LRP1B: variants seen among roughly 807,000 people sequenced by gnomAD.
The protein encoded by LRP1B is LDL receptor related protein 1B, also known as low-density lipoprotein receptor-related protein 1B.
In LRP1B, 217 loss-of-function variants were observed where a neutral mutation model predicts 556.6. That is an observed-to-expected ratio of 0.39 (90% CI 0.35 to 0.44). The LOEUF is 0.44. LRP1B is among the 20% of genes least tolerant of loss of function. LRP1B has a pLI of 1.00. For missense variants in LRP1B, 5,053 were observed against 5,620.8 expected (o/e 0.90, Z 3.23); for synonymous variants, 2,047 against 1,865.8 (o/e 1.10, Z -2.50).
intron 32 of LRP1B, among the ~76,000 whole-genome samples, chr2:140,805,317 A>T (rs1323389921): frequency 6.6e-6 from 1 of 152,208 alleles, no homozygotes; most frequent in African/African-American, 2.4e-5. Flanking sequence ...ATATCTATGG[A>T]AATTGTGTAA....
intron 2 of LRP1B, among the ~76,000 whole-genome samples, chr2:141,626,949 G>A (rs75316813): frequency 6.6e-6 from 1 of 152,076 alleles, no homozygotes; most frequent in Non-Finnish European, 1.5e-5. Context: ...CTCCTTGAAG[G>A]TTACACAAAT....
chr2:140,472,552 T>C (rs1687813031), intron 60 of LRP1B, among the ~76,000 whole-genome samples: 1 of 151,966 alleles, frequency 6.6e-6, no homozygotes, highest in Non-Finnish European at 1.5e-5. Flanking sequence ...GGAGGGTGAA[T>C]TAGGGTAGAT....
intron 2 of LRP1B, among the ~76,000 whole-genome samples, chr2:141,651,609 G>A (rs1689797078): frequency 6.6e-6 from 1 of 152,182 alleles, no homozygotes; most frequent in Non-Finnish European, 1.5e-5. Context: ...AGGTTGCAGT[G>A]AGCAGAGATC....
intron 84 of LRP1B, among the ~76,000 whole-genome samples, chr2:140,288,707 C>T (rs1683258675): frequency 6.6e-6 from 1 of 151,698 alleles, no homozygotes; most frequent in Non-Finnish European, 1.5e-5. Context: ...GTCATGGCTT[C>T]TATTCATGAA....
intron 81 of LRP1B, 64 bp downstream of exon 81, chr2:140,323,829 T>A (rs2105058627): frequency 1.2e-6 from 1 of 813,760 alleles, no homozygotes; most frequent in African/African-American, 1.8e-5. Context: ...AAAAATATAT[T>A]ATTTTGAGAG....
intron 2 of LRP1B, among the ~76,000 whole-genome samples, chr2:141,786,024 G>A (rs572321793): frequency 6.6e-6 from 1 of 152,002 alleles, no homozygotes; most frequent in East Asian, 1.9e-4. Flanking sequence ...AGATGATGGA[G>A]TGAGATGCAT....
At chr2:141,479,969 T>G (rs948453662) in intron 3 of LRP1B, among the ~76,000 whole-genome samples, 1 of 152,230 alleles carries the variant, frequency 6.6e-6, no homozygotes, top group Non-Finnish European at 1.5e-5. Context: ...TTCATACTTC[T>G]TACTGAAATA....
intron 2 of LRP1B, among the ~76,000 whole-genome samples, chr2:141,675,930 A>G (rs1005042028): frequency 1.3e-5 from 2 of 151,988 alleles, no homozygotes; most frequent in African/African-American, 4.8e-5. Context: ...TGAGGCTTGG[A>G]GAGCTTCTAT....
At chr2:141,876,359 A>T (rs561097393) in intron 1 of LRP1B, among the ~76,000 whole-genome samples, 1 of 152,064 alleles carries the variant, frequency 6.6e-6, no homozygotes, top group Admixed American at 6.6e-5. Context: ...GTGGAAAATA[A>T]AAACAGTAAA....
chr2:141,303,644 C>A (rs74653699), intron 3 of LRP1B, among the ~76,000 whole-genome samples: 2,356 of 152,128 alleles, frequency 0.015, 56 homozygotes, highest in African/African-American at 0.053. Flanking sequence ...AAGATACACC[C>A]CATTTTCTTT....
chr2:140,616,484 C>CTTTT (rs11416942), intron 41 of LRP1B, among the ~76,000 whole-genome samples: 1 of 140,534 alleles, frequency 7.1e-6, no homozygotes, highest in Non-Finnish European at 1.5e-5. Context: ...GTGACTCAGT[C>CTTTT]TTTTTTTTTT....
At chr2:140,873,611 T>G (rs1373301813) in intron 25 of LRP1B, among the ~76,000 whole-genome samples, 6 of 152,100 alleles carry the variant, frequency 3.9e-5, no homozygotes, top group Non-Finnish European at 8.8e-5. Flanking sequence ...TCCATAATTT[T>G]AAATGATGAC....
intron 3 of LRP1B, among the ~76,000 whole-genome samples, chr2:141,313,086 G>A (rs919818057): frequency 6.6e-6 from 1 of 151,880 alleles, no homozygotes; most frequent in African/African-American, 2.4e-5. Context: ...TCCCCACCCC[G>A]ACACACAGTA....
intron 29 of LRP1B, among the ~76,000 whole-genome samples, chr2:140,849,037 CA>C (rs933540135): frequency 4.0e-5 from 6 of 151,590 alleles, no homozygotes; most frequent in Admixed American, 3.3e-4. Flanking sequence ...AAAATATGTG[CA>C]AAGGGAAGTT....
At chr2:140,275,591 C>A (rs1222948807) in intron 84 of LRP1B, among the ~76,000 whole-genome samples, 2 of 151,908 alleles carry the variant, frequency 1.3e-5, no homozygotes, top group Non-Finnish European at 2.9e-5. Context: ...TTTCTGCATG[C>A]CTGAGCAGGT....
At chr2:141,902,532 G>C (rs1699649871) in intron 1 of LRP1B, among the ~76,000 whole-genome samples, 1 of 151,990 alleles carries the variant, frequency 6.6e-6, no homozygotes, top group Admixed American at 6.6e-5. Flanking sequence ...ACAGAGAAGA[G>C]TAGAATAGAA....
chr2:141,266,786 G>A (rs1033456031), intron 3 of LRP1B, among the ~76,000 whole-genome samples: 3 of 152,048 alleles, frequency 2.0e-5, no homozygotes, highest in Admixed American at 6.5e-5. Flanking sequence ...TAGCTACAAG[G>A]CCATAATCAA....
At chr2:141,534,952 C>G (rs1685018655) in intron 2 of LRP1B, among the ~76,000 whole-genome samples, 1 of 152,086 alleles carries the variant, frequency 6.6e-6, no homozygotes, top group Non-Finnish European at 1.5e-5. Flanking sequence ...TTTTTGAACA[C>G]CAACACTTTC....
intron 2 of LRP1B, among the ~76,000 whole-genome samples, chr2:141,707,470 A>G (rs928584037): frequency 6.6e-6 from 1 of 152,100 alleles, no homozygotes; most frequent in Non-Finnish European, 1.5e-5. Context: ...CTTGAGATTC[A>G]CCTCAGATGA....
Sources: gnomAD v4.1 joint callset for allele counts (sites outside exome capture counted in the v4.1 genomes callset) on GRCh38, gnomAD v4.1.1 for gene constraint, MANE v1.5 for transcripts, NCBI Gene and HGNC (gene_info 2026-07-23, HGNC 2026-07-21) for gene names.